TAFA2: variants seen among roughly 807,000 people sequenced by gnomAD.
TAFA2 encodes the protein chemokine-like protein TAFA-2.
In TAFA2, 7 loss-of-function variants were observed where a neutral mutation model predicts 18.8. The observed-to-expected ratio is 0.37, with a 90% confidence interval of 0.21 to 0.70. The LOEUF is 0.70. Ranked by LOEUF, TAFA2 falls within the 30% of genes least tolerant of loss-of-function variation. TAFA2 has a pLI of 0.53. For synonymous variants in TAFA2, 60 were observed against 54.2 expected (o/e 1.11, Z -0.47); for missense variants, 122 against 158.1 (o/e 0.77, Z 1.23).
At chr12:62,148,473 A>G (rs1050922054) in intron 1 of TAFA2, among the ~76,000 whole-genome samples, 1 of 152,208 alleles carries the variant, frequency 6.6e-6, no homozygotes, top group Admixed American at 6.5e-5. Flanking sequence ...TGTTCCCACT[A>G]TCAGTGGGAG....
chr12:61,916,001 C>A (rs548093921), intron 1 of TAFA2, among the ~76,000 whole-genome samples: 1 of 152,088 alleles, frequency 6.6e-6, no homozygotes, highest in Non-Finnish European at 1.5e-5. Flanking sequence ...GAGTTTCCAT[C>A]CATAAAAGGT....
upstream of TAFA2, among the ~76,000 whole-genome samples, chr12:62,195,028 C>T (rs1159714605): frequency 2.0e-5 from 3 of 152,094 alleles, no homozygotes; most frequent in Non-Finnish European, 2.9e-5. Flanking sequence ...AGTCTTGTTT[C>T]AGTGTTGATG....
At chr12:61,996,881 A>G (rs1880207794) in intron 1 of TAFA2, among the ~76,000 whole-genome samples, 1 of 152,214 alleles carries the variant, frequency 6.6e-6, no homozygotes, top group Non-Finnish European at 1.5e-5. Context: ...AAAGCATAGC[A>G]TACTGTCAAT....
chr12:62,038,462 A>G (rs1283305673), intron 1 of TAFA2, among the ~76,000 whole-genome samples: 1 of 152,230 alleles, frequency 6.6e-6, no homozygotes, highest in Non-Finnish European at 1.5e-5. Flanking sequence ...AAAACTATGT[A>G]CATAGCATTT....
At chr12:61,870,618 T>G (rs1874557715) in intron 1 of TAFA2, among the ~76,000 whole-genome samples, 1 of 152,158 alleles carries the variant, frequency 6.6e-6, no homozygotes, top group South Asian at 2.1e-4. Flanking sequence ...TGTCATTTTG[T>G]CCCATCTTTT....
intron 1 of TAFA2, among the ~76,000 whole-genome samples, chr12:62,165,353 G>T (rs57687013): frequency 0.022 from 3,357 of 152,018 alleles, 110 homozygotes; most frequent in African/African-American, 0.075. Context: ...CTCAAGGCAT[G>T]GAACTTTCCA....
chr12:62,142,893 A>G (rs896397649), intron 1 of TAFA2, among the ~76,000 whole-genome samples: 1 of 152,200 alleles, frequency 6.6e-6, no homozygotes, highest in Non-Finnish European at 1.5e-5. Context: ...TAACATCTTT[A>G]ATCCTTATGA....
At chr12:61,798,894 T>C (rs188048813) in intron 2 of TAFA2, among the ~76,000 whole-genome samples, 4 of 152,396 alleles carry the variant, frequency 2.6e-5, no homozygotes, top group East Asian at 1.9e-4. Context: ...ACATAATCTT[T>C]CAGAGGAAAC....
intron 1 of TAFA2, among the ~76,000 whole-genome samples, chr12:61,980,807 A>G (rs1879605894): frequency 6.6e-6 from 1 of 152,236 alleles, no homozygotes; most frequent in Admixed American, 6.5e-5. Flanking sequence ...GAAACAAAAC[A>G]GGACAGAAAC....
At chr12:62,022,035 C>T (rs1434763674) in intron 1 of TAFA2, 1 of 620,420 alleles carries the variant, frequency 1.6e-6, no homozygotes, top group Non-Finnish European at 3.1e-6. Flanking sequence ...ACCTTATCAG[C>T]ATAAAGCTCT....
intron 2 of TAFA2, among the ~76,000 whole-genome samples, chr12:61,861,106 A>T (rs1238397288): frequency 1.3e-5 from 2 of 152,012 alleles, no homozygotes; most frequent in African/African-American, 4.8e-5. Context: ...ACATGCCACC[A>T]TGCCTGGCTA....
rs1183474823 is a variant in TAFA2, at chr12:61,708,281, A to G, written c.*2125T>C. The G allele has an allele frequency of 6.6e-6, 1 of 152,154 alleles. No homozygotes were observed. Among genetic ancestry groups the G allele is most frequent in the East Asian group, 1.9e-4 (1 of 5,194 alleles). 9.4% of individuals were successfully genotyped at this position (152,154 alleles called of 1,614,324 possible). A position where few individuals can be genotyped will look rare whatever the true frequency, so the allele number is the denominator to read the frequency against. ...TAATTTATGAAAGAGAGTCCATTTT[A>G]TATCCCAATTTTATTCACCTTTTCT... is the stretch of plus-strand genomic sequence containing the variant. On this transcript the variant is annotated 3_prime_UTR_variant, in exon 5 of 5. Coordinates refer to ENST00000416284, the MANE Select transcript of TAFA2 (RefSeq NM_178539.5).
chr12:61,918,762 G>A (rs74808784), intron 1 of TAFA2, among the ~76,000 whole-genome samples: 3,233 of 152,248 alleles, frequency 0.021, 131 homozygotes, highest in African/African-American at 0.073. Context: ...TTAAAATGCA[G>A]GCTGTTGGCT....
At chr12:61,813,944 A>G (rs1217130674) in intron 2 of TAFA2, among the ~76,000 whole-genome samples, 1 of 151,490 alleles carries the variant, frequency 6.6e-6, no homozygotes, top group Non-Finnish European at 1.5e-5. Context: ...TTCATTTGCA[A>G]TACACCAACA....
chr12:62,116,350 A>G (rs1393430316), intron 1 of TAFA2, among the ~76,000 whole-genome samples: 4 of 152,166 alleles, frequency 2.6e-5, no homozygotes, highest in African/African-American at 9.7e-5. Context: ...GGACAGAGAA[A>G]ACGTAGTGGT....
chr12:61,785,621 C>G (rs1870705688), intron 2 of TAFA2, among the ~76,000 whole-genome samples: 1 of 151,388 alleles, frequency 6.6e-6, no homozygotes, highest in South Asian at 2.1e-4. Flanking sequence ...AGATACCTAT[C>G]CTGCCTTGAA....
At chr12:61,797,098 G>A (rs1487565914) in intron 2 of TAFA2, among the ~76,000 whole-genome samples, 1 of 152,146 alleles carries the variant, frequency 6.6e-6, no homozygotes, top group Non-Finnish European at 1.5e-5. Flanking sequence ...TACACTGGAA[G>A]AGCTGATTTC....
intron 1 of TAFA2, among the ~76,000 whole-genome samples, chr12:62,172,034 G>C (rs1182730535): frequency 3.3e-5 from 5 of 152,124 alleles, no homozygotes; most frequent in Non-Finnish European, 7.4e-5. Flanking sequence ...TCTTATAAAT[G>C]TATTTTTAGT....
chr12:61,723,025 T>A (rs552940651), intron 4 of TAFA2, among the ~76,000 whole-genome samples: 8 of 152,228 alleles, frequency 5.3e-5, no homozygotes, highest in Non-Finnish European at 1.0e-4. Flanking sequence ...CCACAAAACA[T>A]GCATGCACCA....
Sources: gnomAD v4.1 joint callset for allele counts (sites outside exome capture counted in the v4.1 genomes callset) on GRCh38, gnomAD v4.1.1 for gene constraint, MANE v1.5 for transcripts, NCBI Gene and HGNC (gene_info 2026-07-23, HGNC 2026-07-21) for gene names.